The following FSIP1 variants were observed in gnomAD, a reference collection of about 807,000 sequenced individuals.
FSIP1 encodes fibrous sheath-interacting protein 1.
In FSIP1, 65 loss-of-function variants were observed where a neutral mutation model predicts 60.9. That is an observed-to-expected ratio of 1.07 (90% CI 0.87 to 1.31). The LOEUF is 1.31. Among genes scored for constraint, FSIP1 ranks in the 40% most tolerant of loss-of-function variants. FSIP1 has a pLI of 0.00. For missense variants in FSIP1, 675 were observed against 665.5 expected (o/e 1.01, Z -0.16); for synonymous variants, 209 against 221.2 (o/e 0.94, Z 0.49).
chr15:39,681,950 T>G (rs1894180585), intron 10 of FSIP1, among the ~76,000 whole-genome samples: 1 of 152,206 alleles, frequency 6.6e-6, no homozygotes, highest in African/African-American at 2.4e-5. Context: ...GAAGGTGCTT[T>G]TTCACAAAAT....
chr15:39,730,069 C>A (rs1896344516), intron 8 of FSIP1, among the ~76,000 whole-genome samples: 2 of 150,412 alleles, frequency 1.3e-5, no homozygotes, highest in Non-Finnish European at 1.5e-5. Context: ...AAATAAACAA[C>A]TTAAAAAATA....
chr15:39,764,946 C>G (rs529847209), intron 4 of FSIP1, among the ~76,000 whole-genome samples: 3 of 152,300 alleles, frequency 2.0e-5, no homozygotes, highest in South Asian at 2.1e-4. Context: ...AGCTATTACA[C>G]CCCTTCCTAT....
chr15:39,608,653 A>C (rs1890913964), intron 11 of FSIP1, among the ~76,000 whole-genome samples: 1 of 152,220 alleles, frequency 6.6e-6, no homozygotes, highest in African/African-American at 2.4e-5. Flanking sequence ...AACCACACCC[A>C]TCTAACTGAA....
Position 39,618,056 on chromosome 15 carries a change from C to T in FSIP1, c.1378G>A (p.Val460Ile). 2 of 1,614,102 alleles carry T rather than the reference C, an allele frequency of 1.2e-6. No homozygotes were observed. The highest frequency in any genetic ancestry group is 1.7e-6 in the Non-Finnish European group (2 of 1,180,000). Residue 460 changes from valine to isoleucine, a missense_variant, in exon 11 of 12, where the codon GTC becomes ATC. Val to Ile is a conservative substitution (Grantham distance 29). Transcript: ENST00000350221. ...GCATCTTCTACCTCAGTTTTCTGGACCTTTGTTTCTGATTCATTTAGCAAT... is the reference window on the plus strand; with the variant it reads ...GCATCTTCTACCTCAGTTTTCTGGATCTTTGTTTCTGATTCATTTAGCAAT... ...SKLLNESETKVQKTEVEDADM... is the reference protein window; with the variant it reads ...SKLLNESETKIQKTEVEDADM...
chr15:39,770,634 A>C (rs762190711), intron 2 of FSIP1, 24 bp from the exon 3 acceptor site: 23 of 1,406,018 alleles, frequency 1.6e-5, no homozygotes, highest in Middle Eastern at 1.9e-4. Context: ...CAAAAAAAAA[A>C]CAGTTTCCGA....
intron 5 of FSIP1, among the ~76,000 whole-genome samples, chr15:39,749,793 A>G (rs1301850738): frequency 2.6e-5 from 4 of 152,038 alleles, no homozygotes; most frequent in African/African-American, 9.7e-5. Context: ...TCAACACAGT[A>G]CTGGAAGGAC....
At chr15:39,613,943 G>A (rs894558468) in intron 11 of FSIP1, among the ~76,000 whole-genome samples, 1 of 152,092 alleles carries the variant, frequency 6.6e-6, no homozygotes, top group Admixed American at 6.5e-5. Context: ...AGGTATAGAG[G>A]TAAAGTACAT....
chr15:39,742,717 G>A (rs1896847066), intron 5 of FSIP1, among the ~76,000 whole-genome samples: 2 of 152,154 alleles, frequency 1.3e-5, no homozygotes, highest in African/African-American at 4.8e-5. Context: ...GAAGCAGGCA[G>A]AAGATACATT....
intron 10 of FSIP1, among the ~76,000 whole-genome samples, chr15:39,671,021 T>C (rs7183539): frequency 0.067 from 10,205 of 152,078 alleles, 630 homozygotes; most frequent in African/African-American, 0.15. Context: ...TGCAGAGAAA[T>C]AGAGGTGTTA....
At chr15:39,729,442 T>C (rs1896321023) in intron 8 of FSIP1, among the ~76,000 whole-genome samples, 1 of 152,104 alleles carries the variant, frequency 6.6e-6, no homozygotes, top group African/African-American at 2.4e-5. Context: ...AATGTGGTGA[T>C]ATGCACCTGT....
intron 10 of FSIP1, among the ~76,000 whole-genome samples, chr15:39,662,163 A>G (rs1893322450): frequency 1.3e-5 from 2 of 152,102 alleles, no homozygotes; most frequent in Admixed American, 6.6e-5. Flanking sequence ...AGTGGGGGAA[A>G]GGGCTGTGAG....
intron 10 of FSIP1, among the ~76,000 whole-genome samples, chr15:39,704,445 T>C (rs1360893755): frequency 2.0e-5 from 3 of 152,206 alleles, no homozygotes; most frequent in African/African-American, 7.2e-5. Context: ...GGTAACAGCT[T>C]AAAGGTTTTA....
Position 39,726,657 on chromosome 15 carries a change from G to A in FSIP1, c.982C>T (p.Gln328Ter), listed in dbSNP as rs778732790. 42 of 1,614,016 alleles carry A rather than the reference G, an allele frequency of 2.6e-5. No individual in the cohort carries two copies. Among genetic ancestry groups the A allele is most frequent in the Non-Finnish European group, 3.5e-5 (41 of 1,179,958 alleles). The change falls in exon 9 of 12, where the codon CAA (glutamine) becomes TAA (stop). Residue 328 changes from glutamine (Q) to a stop codon, truncating the protein, a stop_gained. Transcript: ENST00000350221. LOFTEE classifies it high-confidence loss of function. ...GTAGGGGAGGCTGCAGAGAGTTCTTGGAGTTTTATATCAATTTCAGCAAGC... is the reference window on the plus strand; with the variant it reads ...GTAGGGGAGGCTGCAGAGAGTTCTTAGAGTTTTATATCAATTTCAGCAAGC... ...QQLAEIDIKL[Q>*]ELSAASPTIS...
At chr15:39,713,752 G>A (rs1895624670) in intron 9 of FSIP1, among the ~76,000 whole-genome samples, 171 bp from the exon 10 acceptor site, 1 of 152,192 alleles carries the variant, frequency 6.6e-6, no homozygotes, top group Non-Finnish European at 1.5e-5. Context: ...GGAGGTAAAT[G>A]TCCAACTGTA....
intron 5 of FSIP1, among the ~76,000 whole-genome samples, chr15:39,755,256 A>G (rs1897266111): frequency 6.6e-6 from 1 of 152,092 alleles, no homozygotes; most frequent in Non-Finnish European, 1.5e-5. Context: ...AACACAGTGA[A>G]AGGGATGGGA....
chr15:39,693,983 T>A lies in FSIP1; in HGVS notation c.1188+19461A>T, dbSNP rs181299806. On this transcript the variant is annotated intron_variant, in intron 10 of 11. Transcript: ENST00000350221. ...GAAGGTGAAGTGATGGATATATATT[T>A]ATCAGCTTGATTTAATCTTTCTACA... Among the ~76,000 whole-genome samples the A allele has an allele frequency of 3.5e-3, 531 of 152,346 alleles. 3 individuals carry two copies. The highest frequency in any genetic ancestry group is 0.012 in the African/African-American group (507 of 41,592).
chr15:39,685,673 G>A (rs1038670850), intron 10 of FSIP1, among the ~76,000 whole-genome samples: 1 of 152,080 alleles, frequency 6.6e-6, no homozygotes, highest in Non-Finnish European at 1.5e-5. Context: ...TCTCTAATGA[G>A]GTATGTGCTT....
intron 10 of FSIP1, among the ~76,000 whole-genome samples, chr15:39,706,680 C>A (rs536849556): frequency 6.6e-6 from 1 of 152,188 alleles, no homozygotes; most frequent in Non-Finnish European, 1.5e-5. Context: ...AATCCCAACA[C>A]ACTTTTCCCT....
At chr15:39,654,275 A>G (rs554320586) in intron 10 of FSIP1, among the ~76,000 whole-genome samples, 30 of 152,364 alleles carry the variant, frequency 2.0e-4, no homozygotes, top group African/African-American at 7.2e-4. Context: ...GCATAATTGT[A>G]TGTGCCATAC....
Sources: allele counts gnomAD v4.1 joint callset (sites outside exome capture counted in the v4.1 genomes callset), GRCh38; gene constraint gnomAD v4.1.1; transcripts MANE v1.5; gene names NCBI Gene and HGNC (gene_info 2026-07-23, HGNC 2026-07-21).